Variants in NEB observed in about 807,000 individuals in gnomAD.
The protein encoded by NEB is nebulin.
In NEB, 512 loss-of-function variants were observed where a neutral mutation model predicts 952.2. That is an observed-to-expected ratio of 0.54 (90% CI 0.50 to 0.58). The LOEUF is 0.58. Among genes scored for constraint, NEB ranks in the 20% least tolerant of loss-of-function variants. The probability of loss-of-function intolerance (pLI) is 0.00; values close to 1 mark genes in which losing one functional copy is unlikely to be tolerated. For missense variants in NEB, 8,428 were observed against 9,231.1 expected, an observed-to-expected ratio of 0.91 and a Z score of 3.56; for synonymous variants, 2,900 against 3,149.8, an observed-to-expected ratio of 0.92 and a Z score of 2.66.
rs746507330 is a variant in NEB, at chr2:151,526,056, C to T, written c.22063G>A (p.Asp7355Asn). 1 of 1,613,794 alleles carries T rather than the reference C, an allele frequency of 6.2e-7. No homozygotes were observed. Among genetic ancestry groups the T allele is most frequent in the Non-Finnish European group, 8.5e-7 (1 of 1,179,748 alleles). The change falls in exon 150 of 182, where the codon GAC (aspartate) becomes AAC (asparagine). Residue 7355 changes from aspartate to asparagine, a missense_variant. Asp to Asn is a conservative substitution (Grantham distance 23, BLOSUM62 1). Coordinates refer to ENST00000397345, the MANE Select transcript of NEB (RefSeq NM_001164508.2). ...SNLVSENKYK[D>N]HVKKHLAQGS... The stretch of plus-strand genomic sequence containing the variant: ...TGTGCCAAGTGCTTCTTGACATGGT[C>T]CTTGTACTTGTTCTGGGGGAATCCA...
intron 107 of NEB, among the ~76,000 whole-genome samples, chr2:151,572,561 T>A (rs1333184787): frequency 6.8e-6 from 1 of 146,094 alleles, no homozygotes; most frequent in Non-Finnish European, 1.5e-5. Flanking sequence ...TACTTTTTTT[T>A]TTTTGACAGA....
chr2:151,689,536 A>C (rs2099530006), intron 24 of NEB: 1 of 152,110 alleles, frequency 6.6e-6, no homozygotes, highest in Admixed American at 6.5e-5. Flanking sequence ...TAAACACAGA[A>C]CTTTATTTAA....
chr2:151,628,870 C>G (rs2098596050), intron 68 of NEB, among the ~76,000 whole-genome samples: 1 of 146,612 alleles, frequency 6.8e-6, no homozygotes, highest in Admixed American at 7.3e-5. Flanking sequence ...GACTCTGTCT[C>G]AAACAAACAA....
intron 74 of NEB, 99 bp downstream of exon 74, chr2:151,618,176 T>C (rs577447763): frequency 1.8e-6 from 2 of 1,084,700 alleles, no homozygotes; most frequent in South Asian, 1.3e-5. Flanking sequence ...GAAGGTATCA[T>C]AATGCTTATT....
At chr2:151,500,972 CTA>C (rs1208984495) in intron 168 of NEB, among the ~76,000 whole-genome samples, 1 of 152,054 alleles carries the variant, frequency 6.6e-6, no homozygotes, top group Non-Finnish European at 1.5e-5. Context: ...TGAATAGGGT[CTA>C]TGTTAAGATG....
intron 80 of NEB, among the ~76,000 whole-genome samples, 188 bp from the exon 81 acceptor site, chr2:151,610,308 T>C (rs998209159): frequency 4.6e-5 from 7 of 152,268 alleles, no homozygotes; most frequent in African/African-American, 1.7e-4. Context: ...TATATCTTCA[T>C]TGGTGAAAGC....
intron 47 of NEB, 59 bp downstream of exon 47, chr2:151,659,005 TG>T: frequency 8.6e-7 from 1 of 1,159,770 alleles, no homozygotes; most frequent in South Asian, 1.2e-5. Context: ...TTAATTAATT[TG>T]TTCTTACTGG....
intron 45 of NEB, 46 bp downstream of exon 45, chr2:151,663,502 G>T: frequency 6.6e-7 from 1 of 1,522,178 alleles, no homozygotes; most frequent in South Asian, 1.3e-5. Flanking sequence ...ACTCATGGTT[G>T]CTTATTATCC....
intron 107 of NEB, among the ~76,000 whole-genome samples, chr2:151,572,000 C>A (rs1296696950): frequency 6.6e-6 from 1 of 152,152 alleles, no homozygotes; most frequent in African/African-American, 2.4e-5. Flanking sequence ...GTTTTCTGTA[C>A]AGAAGAAAAA....
chr2:151,692,830 C>A (rs1049113645), intron 20 of NEB, among the ~76,000 whole-genome samples: 1 of 151,964 alleles, frequency 6.6e-6, no homozygotes, highest in Non-Finnish European at 1.5e-5. Flanking sequence ...ATTAGCCGGG[C>A]GTGATGGCAC....
chr2:151,724,508 C>T, intron 7 of NEB, 144 bp from the exon 8 acceptor site: 1 of 652,994 alleles, frequency 1.5e-6, no homozygotes, highest in East Asian at 2.7e-5. Context: ...TGCCAACATC[C>T]TATAATACTT....
rs966105402 is a variant in NEB at position 151,490,067 on chromosome 2, A to C, written c.25308T>G (p.His8436Gln). The C allele has an allele frequency of 6.2e-7, 1 of 1,609,120 alleles. No individual in the cohort carries two copies. Among genetic ancestry groups the C allele is most frequent in the Non-Finnish European group, 8.5e-7 (1 of 1,177,890 alleles). ...GVFAVSTAYKHAKTTELPQQR... is the reference protein window; with the variant it reads ...GVFAVSTAYKQAKTTELPQQR... ...GTTGTGGGAGCTCTGTGGTTTTTGC[A>C]TGTTTGTAAGCTGAAAAAAAGGGGG... is the stretch of plus-strand genomic sequence containing the variant. The change falls in exon 181 of 182, where the codon CAT becomes CAG. Residue 8436 changes from histidine (H) to glutamine (Q), a missense_variant. Transcript: ENST00000397345.
Position 151,733,101 on chromosome 2 carries a change from GTT to G in NEB, c.36+18_36+19del, listed in dbSNP as rs148527227. 3 of 1,461,748 alleles carry G rather than the reference GTT, an allele frequency of 2.1e-6. No homozygotes were observed. The highest frequency in any genetic ancestry group is 2.6e-5 in the South Asian group (2 of 77,428). The allele number at this position is 1,461,748 out of a possible 1,614,324, so 90.5% of individuals were successfully genotyped here. Reference sequence around the variant, plus strand: ...CTACATAAAATAGTTTGCTGTCAGTGTTTTTTTTTTAAATCTTACCTCCACCA... The same window carrying G: ...CTACATAAAATAGTTTGCTGTCAGTGTTTTTTTTAAATCTTACCTCCACCA... On this transcript the variant is annotated intron_variant, in intron 3 of 181. Transcript: ENST00000397345.
intron 44 of NEB, among the ~76,000 whole-genome samples, chr2:151,664,275 A>T (rs1252669808): frequency 1.3e-5 from 2 of 152,132 alleles, no homozygotes; most frequent in Admixed American, 1.3e-4. Context: ...ATTTGAATAG[A>T]CTCTAAAGGC....
At chr2:151,578,654 G>A (rs989675687) in intron 105 of NEB, among the ~76,000 whole-genome samples, 3 of 150,844 alleles carry the variant, frequency 2.0e-5, no homozygotes, top group African/African-American at 7.3e-5. Context: ...AGGGAAGGAG[G>A]GAAAGAGACA....
At chr2:151,554,797 A>C in intron 125 of NEB, 134 bp downstream of exon 125, 1 of 720,954 alleles carries the variant, frequency 1.4e-6, no homozygotes, top group Non-Finnish European at 2.5e-6. Context: ...TTTGTAGTCT[A>C]GGAGCAATAG....
chr2:151,490,275 A>G, intron 180 of NEB, 97 bp downstream of exon 180: 1 of 1,449,146 alleles, frequency 6.9e-7, no homozygotes, highest in Non-Finnish European at 9.3e-7. Flanking sequence ...AGGATGAAAA[A>G]TTTTTAAATT....
rs371391123 is a variant in NEB at position 151,506,273 on chromosome 2, T to C, written c.23557-15A>G. 16 of 1,584,768 alleles carry C rather than the reference T, an allele frequency of 1.0e-5. No homozygotes were observed. Among genetic ancestry groups the C allele is most frequent in the African/African-American group, 2.7e-5 (2 of 74,272 alleles). On this transcript the variant is annotated splice_polypyrimidine_tract_variant and intron_variant, in intron 163 of 181. Coordinates refer to ENST00000397345, the MANE Select transcript of NEB (RefSeq NM_001164508.2). ...TTATATAAAACCTGGGCATTCAGAA[T>C]CAGGACAGTGTTAACACAGAAGAAA...
rs756766749 is a variant in NEB, at chr2:151,498,252, C to T, written c.24207+8G>A. The T allele has an allele frequency of 6.4e-7, 1 of 1,551,100 alleles. No homozygotes were observed. Among genetic ancestry groups the T allele is most frequent in the South Asian group, 1.2e-5 (1 of 84,048 alleles). ...AGTGGCATTTTTTCCCCTTTCTTTC[C>T]AAAATACCGAGCTAAGGTTTTCTTG... On this transcript the variant is annotated splice_region_variant and intron_variant, in intron 170 of 181. Coordinates refer to ENST00000397345, the MANE Select transcript of NEB (RefSeq NM_001164508.2).
Sources: gnomAD v4.1 joint callset for allele counts (sites outside exome capture counted in the v4.1 genomes callset) on GRCh38, gnomAD v4.1.1 for gene constraint, MANE v1.5 for transcripts, NCBI Gene and HGNC (gene_info 2026-07-23, HGNC 2026-07-21) for gene names.